Variants in ANO3 observed in about 807,000 individuals in gnomAD.
The protein encoded by ANO3 is anoctamin-3.
Under a neutral mutation model 144.8 loss-of-function variants are expected in ANO3, and 99 were observed. The ratio of observed to expected loss-of-function variants is 0.68; its 90% CI spans 0.58 to 0.81. ANO3 has a LOEUF of 0.81. ANO3 is among the 30% of genes least tolerant of loss of function. ANO3 has a pLI of 0.00. For missense variants in ANO3, 905 were observed against 1,202.2 expected (o/e 0.75, Z 3.66); for synonymous variants, 414 against 392.6 (o/e 1.05, Z -0.64).
chr11:26,534,073 T>C (rs557871960), intron 8 of ANO3, among the ~76,000 whole-genome samples: 24 of 152,310 alleles, frequency 1.6e-4, no homozygotes, highest in African/African-American at 5.8e-4. Flanking sequence ...GATTTTTCAT[T>C]GTTAAGGCTC....
intron 24 of ANO3, among the ~76,000 whole-genome samples, chr11:26,648,115 C>T (rs916176556): frequency 1.3e-5 from 2 of 152,056 alleles, no homozygotes; most frequent in African/African-American, 2.4e-5. Flanking sequence ...TTAGAAGTTA[C>T]ATTCTGTAAA....
intron 4 of ANO3, among the ~76,000 whole-genome samples, chr11:26,473,365 G>C (rs1238924898): frequency 6.6e-6 from 1 of 151,834 alleles, no homozygotes; most frequent in Non-Finnish European, 1.5e-5. Flanking sequence ...TTTACCTTTA[G>C]GTGACAGTTA....
At chr11:26,509,343 TCTCA>T (rs1336879245) in intron 5 of ANO3, among the ~76,000 whole-genome samples, 1 of 151,870 alleles carries the variant, frequency 6.6e-6, no homozygotes, top group Non-Finnish European at 1.5e-5. Flanking sequence ...TGAGACTGAG[TCTCA>T]CTCTGTTGCC....
chr11:26,497,594 T>G (rs187197463), intron 4 of ANO3, among the ~76,000 whole-genome samples: 1 of 152,108 alleles, frequency 6.6e-6, no homozygotes, highest in Non-Finnish European at 1.5e-5. Flanking sequence ...ATCTTAGGAA[T>G]ATTTTCACTG....
At chr11:26,514,784 T>C (rs976825200) in intron 5 of ANO3, among the ~76,000 whole-genome samples, 2 of 152,098 alleles carry the variant, frequency 1.3e-5, no homozygotes, top group Non-Finnish European at 2.9e-5. Context: ...CGTCTTTCAC[T>C]TGCCCTGGAT....
chr11:26,371,882 CATAGGTGG>C (rs1408979180), intron 1 of ANO3, among the ~76,000 whole-genome samples: 1 of 152,122 alleles, frequency 6.6e-6, no homozygotes, highest in Non-Finnish European at 1.5e-5. Context: ...TGTGCAGACT[CATAGGTGG>C]AAGGGGCTTG....
At chr11:26,453,506 G>A (rs1859028892) in intron 3 of ANO3, among the ~76,000 whole-genome samples, 1 of 152,106 alleles carries the variant, frequency 6.6e-6, no homozygotes, top group Non-Finnish European at 1.5e-5. Flanking sequence ...ATGGTAAAGA[G>A]ATCAATTCAA....
intron 1 of ANO3, among the ~76,000 whole-genome samples, chr11:26,236,414 T>C (rs970532864): frequency 7.8e-6 from 1 of 127,702 alleles, no homozygotes; most frequent in African/African-American, 2.6e-5. Flanking sequence ...TTTTGTTTGC[T>C]TTTTTGGCCT....
chr11:26,439,665 T>A (rs1038088808), intron 1 of ANO3, among the ~76,000 whole-genome samples: 1 of 152,204 alleles, frequency 6.6e-6, no homozygotes, highest in African/African-American at 2.4e-5. Flanking sequence ...CTCCGAAAAG[T>A]CTGGGATAGA....
At chr11:26,518,940 T>C (rs1392515598) in intron 6 of ANO3, among the ~76,000 whole-genome samples, 2 of 152,106 alleles carry the variant, frequency 1.3e-5, no homozygotes, top group Non-Finnish European at 2.9e-5. Context: ...GTATATATTT[T>C]CCACAAGTTC....
intron 1 of ANO3, among the ~76,000 whole-genome samples, chr11:26,368,717 A>C (rs1452739083): frequency 1.3e-5 from 2 of 151,802 alleles, no homozygotes; most frequent in African/African-American, 4.8e-5. Flanking sequence ...GGTATGTATA[A>C]ATCTTTAGGC....
intron 1 of ANO3, among the ~76,000 whole-genome samples, chr11:26,366,728 GTGA>G (rs1173826889): frequency 2.6e-5 from 4 of 151,558 alleles, no homozygotes; most frequent in Non-Finnish European, 5.9e-5. Flanking sequence ...CTGATGGCCA[GTGA>G]TGATGAGCAT....
intron 6 of ANO3, among the ~76,000 whole-genome samples, chr11:26,523,578 T>C (rs991436047): frequency 2.0e-5 from 3 of 152,178 alleles, no homozygotes; most frequent in African/African-American, 4.8e-5. Flanking sequence ...GTACTTATAA[T>C]GGCAAGTTTT....
intron 18 of ANO3, among the ~76,000 whole-genome samples, chr11:26,625,948 A>T (rs1370608370): frequency 6.6e-6 from 1 of 152,138 alleles, no homozygotes; most frequent in African/African-American, 2.4e-5. Flanking sequence ...AAATGTCTCT[A>T]TTCTAGCCTC....
intron 3 of ANO3, among the ~76,000 whole-genome samples, chr11:26,447,467 A>G (rs1858745505): frequency 6.6e-6 from 1 of 152,148 alleles, no homozygotes; most frequent in Admixed American, 6.5e-5. Flanking sequence ...GGAAGGCTTG[A>G]TCTCTAACCT....
intron 21 of ANO3, among the ~76,000 whole-genome samples, chr11:26,639,843 C>G (rs1259425762): frequency 6.6e-6 from 1 of 152,154 alleles, no homozygotes; most frequent in South Asian, 2.1e-4. Context: ...TTAAAATACA[C>G]TTTCCTTTAA....
chr11:26,523,439 C>G (rs1052418062), intron 6 of ANO3, among the ~76,000 whole-genome samples: 1 of 152,224 alleles, frequency 6.6e-6, no homozygotes, highest in African/African-American at 2.4e-5. Flanking sequence ...GCTCCTACCT[C>G]TCACAGAAAT....
intron 4 of ANO3, among the ~76,000 whole-genome samples, chr11:26,476,729 T>A (rs1033932074): frequency 1.3e-5 from 2 of 151,848 alleles, no homozygotes; most frequent in Non-Finnish European, 2.9e-5. Flanking sequence ...TGGTTAAAGG[T>A]AAGGTGAATA....
chr11:26,625,061 G>A (rs1565150330), intron 18 of ANO3, among the ~76,000 whole-genome samples: 1 of 152,046 alleles, frequency 6.6e-6, no homozygotes, highest in East Asian at 1.9e-4. Context: ...AGTAGTTGGG[G>A]ACTACAGGCG....
Sources: gnomAD v4.1 joint callset for allele counts (sites outside exome capture counted in the v4.1 genomes callset) on GRCh38, gnomAD v4.1.1 for gene constraint, MANE v1.5 for transcripts, NCBI Gene and HGNC (gene_info 2026-07-23, HGNC 2026-07-21) for gene names.